The following GALNT1 variants were observed in gnomAD, a reference collection of about 807,000 sequenced individuals.
The protein encoded by GALNT1 is polypeptide N-acetylgalactosaminyltransferase 1.
GALNT1 carries 17 observed loss-of-function variants against 65.7 expected under a neutral mutation model. That is an observed-to-expected ratio of 0.26 (90% CI 0.18 to 0.39). The LOEUF (loss-of-function observed/expected upper bound fraction) is 0.39. Ranked by LOEUF, GALNT1 falls within the 10% of genes least tolerant of loss-of-function variation. The probability of loss-of-function intolerance (pLI) is 1.00; values close to 1 mark genes in which losing one functional copy is unlikely to be tolerated. For missense variants in GALNT1, 460 were observed against 672.8 expected, an observed-to-expected ratio of 0.68 and a Z score of 3.50; for synonymous variants, 210 against 219.7, an observed-to-expected ratio of 0.96 and a Z score of 0.39.
At chr18:35,604,657 T>C (rs1027031945) in intron 1 of GALNT1, among the ~76,000 whole-genome samples, 4 of 152,264 alleles carry the variant, frequency 2.6e-5, no homozygotes, top group Admixed American at 2.0e-4. Context: ...TGCATTTCTC[T>C]AATGATTAGA....
chr18:35,669,539 C>T (rs1232987092), intron 3 of GALNT1, among the ~76,000 whole-genome samples: 1 of 152,100 alleles, frequency 6.6e-6, no homozygotes, highest in Non-Finnish European at 1.5e-5. Context: ...ATTTGAAGAT[C>T]ATTTAGATTC....
intron 1 of GALNT1, chr18:35,596,246 G>A (rs1160595654): frequency 6.6e-6 from 1 of 152,106 alleles, no homozygotes; most frequent in Non-Finnish European, 1.5e-5. Flanking sequence ...TTCAGATTGG[G>A]TCAAAAAGGT....
intron 1 of GALNT1, among the ~76,000 whole-genome samples, chr18:35,654,313 A>G (rs946306123): frequency 2.6e-5 from 4 of 151,806 alleles, no homozygotes; most frequent in African/African-American, 9.7e-5. Flanking sequence ...TCCTTTACCT[A>G]TTTTCCTATT....
intron 1 of GALNT1, among the ~76,000 whole-genome samples, chr18:35,592,507 G>T (rs554784520): frequency 1.6e-4 from 24 of 152,188 alleles, no homozygotes; most frequent in African/African-American, 5.8e-4. Flanking sequence ...AAGGGCCATT[G>T]GTGCAAGGGA....
chr18:35,590,190 A>T (rs1331410772), intron 1 of GALNT1, among the ~76,000 whole-genome samples: 2 of 152,226 alleles, frequency 1.3e-5, no homozygotes, highest in Non-Finnish European at 2.9e-5. Context: ...TTGAGGGCAG[A>T]TGTAGCAGCG....
intron 1 of GALNT1, among the ~76,000 whole-genome samples, chr18:35,612,248 C>T (rs2046726956): frequency 6.6e-6 from 1 of 152,092 alleles, no homozygotes; most frequent in South Asian, 2.1e-4. Context: ...GAGAAAAAAC[C>T]TGTTTTAATG....
chr18:35,587,576 G>GT lies in GALNT1; in HGVS notation c.-104+5720dup, dbSNP rs562867395. Among the ~76,000 whole-genome samples, 225 of 152,140 alleles carry GT rather than the reference G, an allele frequency of 1.5e-3. 1 individual carries two copies. The highest frequency in any genetic ancestry group is 5.3e-3 in the African/African-American group (222 of 41,524). ...ATGAGTGAGTGTTGAATTTTATTGT[G>GT]TTTTTTGTTCATCAGTTGATCTGAT... On this transcript the variant is annotated intron_variant, in intron 1 of 11. Transcript: ENST00000269195.
At chr18:35,650,383 C>A (rs563589544) in intron 1 of GALNT1, among the ~76,000 whole-genome samples, 1 of 152,120 alleles carries the variant, frequency 6.6e-6, no homozygotes, top group East Asian at 1.9e-4. Flanking sequence ...ATCACAGGAT[C>A]GTGGCGAAAT....
intron 1 of GALNT1, among the ~76,000 whole-genome samples, chr18:35,586,359 G>A (rs1283882209): frequency 6.6e-6 from 1 of 152,064 alleles, no homozygotes; most frequent in African/African-American, 2.4e-5. Context: ...CCTTTGTTGG[G>A]TATGTTGTTT....
At chr18:35,656,685 T>C (rs2047391747) in intron 2 of GALNT1, among the ~76,000 whole-genome samples, 1 of 152,222 alleles carries the variant, frequency 6.6e-6, no homozygotes, top group South Asian at 2.1e-4. Context: ...ACTTCATCTG[T>C]AGACAGCGGC....
chr18:35,683,785 G>A (rs1440347699), intron 5 of GALNT1, among the ~76,000 whole-genome samples, 187 bp downstream of exon 5: 1 of 152,228 alleles, frequency 6.6e-6, no homozygotes, highest in Non-Finnish European at 1.5e-5. Context: ...TGGCAGGAAT[G>A]TTTGCAAACT....
At chr18:35,683,642 C>G (rs1489208125) in intron 5 of GALNT1, 44 bp downstream of exon 5, 1 of 1,505,334 alleles carries the variant, frequency 6.6e-7, no homozygotes, top group Non-Finnish European at 9.1e-7. Context: ...TACATTTGTC[C>G]TAAACTATAT....
intron 4 of GALNT1, among the ~76,000 whole-genome samples, chr18:35,678,568 C>G (rs890440607): frequency 6.6e-6 from 1 of 152,142 alleles, no homozygotes; most frequent in Non-Finnish European, 1.5e-5. Flanking sequence ...CCCAGTATTT[C>G]CTAATTTTCT....
At position 35,658,450 on chromosome 18, in the gene GALNT1, G is replaced by C. The variant is rs185714591; in HGVS notation, c.139+3649G>C. ...TAGTCTTAAGGGAAGAAATGATTAGGGGAAGAGCACAGTTGATGCTAATAA... is the reference window on the plus strand; with the variant it reads ...TAGTCTTAAGGGAAGAAATGATTAGCGGAAGAGCACAGTTGATGCTAATAA... On this transcript the variant is annotated intron_variant, in intron 2 of 11. Transcript: ENST00000269195. 1.8e-4 allele frequency among the ~76,000 whole-genome samples: 28 copies of C among 152,290 alleles called. 1 individual carries two copies. Among genetic ancestry groups the C allele is most frequent in the Admixed American group, 1.6e-3 (25 of 15,298 alleles).
intron 1 of GALNT1, among the ~76,000 whole-genome samples, chr18:35,647,253 T>C (rs796903188): frequency 3.2e-4 from 49 of 152,302 alleles, no homozygotes; most frequent in African/African-American, 1.1e-3. Flanking sequence ...TAGAGCTGTG[T>C]ACCTTCTTTC....
intron 1 of GALNT1, among the ~76,000 whole-genome samples, chr18:35,651,437 T>C (rs1326910689): frequency 6.6e-6 from 1 of 152,214 alleles, no homozygotes; most frequent in African/African-American, 2.4e-5. Context: ...TGAAAAATAT[T>C]ATATCAAAAA....
intron 5 of GALNT1, among the ~76,000 whole-genome samples, 174 bp from the exon 6 acceptor site, chr18:35,686,842 C>CT (rs1455528074): frequency 6.6e-6 from 1 of 152,122 alleles, no homozygotes; most frequent in African/African-American, 2.4e-5. Flanking sequence ...GAGGTCGAGG[C>CT]TGCAGTGGCC....
At chr18:35,696,493 T>C (rs1350991968) in intron 9 of GALNT1, among the ~76,000 whole-genome samples, 1 of 152,258 alleles carries the variant, frequency 6.6e-6, no homozygotes, top group East Asian at 1.9e-4. Context: ...TGGTATCTGA[T>C]AGTTGTTAAC....
In GALNT1 at chr18:35,672,439, C is replaced by T. The variant is rs557787173; in HGVS notation, c.315-5152C>T. ...TAGTTAGCTGCTTTCCATTCCTGCT[C>T]CCCGAGGTGGAAGGAAGAATGGTGT... On this transcript the variant is annotated intron_variant, in intron 3 of 11. Coordinates refer to ENST00000269195, the MANE Select transcript of GALNT1 (RefSeq NM_020474.4). Among the ~76,000 whole-genome samples, 6 of 152,316 alleles carry T rather than the reference C, an allele frequency of 3.9e-5. No homozygotes were observed. The East Asian group carries it at 5.8e-4, about 15-fold the overall frequency.
Sources: gnomAD v4.1 joint callset for allele counts (sites outside exome capture counted in the v4.1 genomes callset) on GRCh38, gnomAD v4.1.1 for gene constraint, MANE v1.5 for transcripts, NCBI Gene and HGNC (gene_info 2026-07-23, HGNC 2026-07-21) for gene names.